Variants in HDGFL3 observed in about 807,000 individuals in gnomAD.
HDGFL3 encodes HDGF like 3.
In HDGFL3, 6 loss-of-function variants were observed where a neutral mutation model predicts 27.6. The observed-to-expected ratio is 0.22, with a 90% CI of 0.12 to 0.43. HDGFL3 has a LOEUF of 0.43. HDGFL3 is among the 20% of genes least tolerant of loss of function. The pLI is 1.00. For synonymous variants in HDGFL3, 88 were observed against 88.9 expected (o/e 0.99, Z 0.05); for missense variants, 207 against 250.1 (o/e 0.83, Z 1.16).
At chr15:83,167,286 T>C (rs544381584) in intron 1 of HDGFL3, among the ~76,000 whole-genome samples, 1 of 152,310 alleles carries the variant, frequency 6.6e-6, no homozygotes, top group African/African-American at 2.4e-5. Flanking sequence ...CTGAGCGTGG[T>C]GGCTCACCCC....
chr15:83,148,752 A>G (rs2036931288), intron 5 of HDGFL3, among the ~76,000 whole-genome samples: 2 of 152,220 alleles, frequency 1.3e-5, no homozygotes, highest in South Asian at 4.1e-4. Context: ...AAAATAGACT[A>G]CTGCTACACA....
intron 1 of HDGFL3, among the ~76,000 whole-genome samples, chr15:83,174,569 CAACTT>C (rs1229682208): frequency 4.0e-5 from 6 of 150,862 alleles, no homozygotes; most frequent in East Asian, 3.9e-4. Flanking sequence ...TAAAATGTAT[CAACTT>C]AACCATTTTT....
At chr15:83,127,459 T>C (rs1156583074), downstream of HDGFL3, 5 of 1,613,796 alleles carry the variant, frequency 3.1e-6, no homozygotes, top group Non-Finnish European at 4.2e-6. Context: ...CATTGATACA[T>C]GCTGGAGGTC....
At chr15:83,162,738 T>C (rs997310537) in intron 2 of HDGFL3, among the ~76,000 whole-genome samples, 1 of 152,154 alleles carries the variant, frequency 6.6e-6, no homozygotes, top group Non-Finnish European at 1.5e-5. Context: ...GAGGAAGATG[T>C]TGGGTGGCAG....
downstream of HDGFL3, among the ~76,000 whole-genome samples, chr15:83,125,945 G>A (rs1034421868): frequency 6.6e-6 from 1 of 152,218 alleles, no homozygotes; most frequent in Non-Finnish European, 1.5e-5. Context: ...GCTTTGCTTA[G>A]ACCACAGGGC....
chr15:83,172,420 A>G (rs2037257104), intron 1 of HDGFL3, among the ~76,000 whole-genome samples: 1 of 152,050 alleles, frequency 6.6e-6, no homozygotes, highest in African/African-American at 2.4e-5. Context: ...ATACCTTTTG[A>G]CTCCCCCAAA....
intron 2 of HDGFL3, among the ~76,000 whole-genome samples, chr15:83,163,568 T>C (rs2037127251): frequency 6.6e-6 from 1 of 152,074 alleles, no homozygotes; most frequent in South Asian, 2.1e-4. Flanking sequence ...TTAGAAAACC[T>C]AAAAAAGGTG....
intron 1 of HDGFL3, among the ~76,000 whole-genome samples, chr15:83,183,849 G>A (rs2037410342): frequency 6.6e-6 from 1 of 151,838 alleles, no homozygotes; most frequent in African/African-American, 2.4e-5. Context: ...TAAATTTCTA[G>A]GAACCTTTAT....
At position 83,135,386 on chromosome 15, in the gene HDGFL3, T is replaced by C. The variant is rs190417088; in HGVS notation, c.*3884A>G. 1 of 152,376 alleles carries C rather than the reference T, an allele frequency of 6.6e-6. No homozygotes were observed. The highest frequency in any genetic ancestry group is 2.4e-5 in the African/African-American group (1 of 41,592). The allele number at this position is 152,376 out of a possible 1,614,324, so 9.4% of individuals were successfully genotyped here. A position where few individuals can be genotyped will look rare whatever the true frequency, so the allele number is the denominator to read the frequency against. ...TATCTAGTTCTTCATTCTTGTTACTTCTATGCCTTCTCTATAGTGCAGTCT... is the reference window on the plus strand; with the variant it reads ...TATCTAGTTCTTCATTCTTGTTACTCCTATGCCTTCTCTATAGTGCAGTCT... On this transcript the variant is annotated 3_prime_UTR_variant, in exon 6 of 6. Coordinates refer to ENST00000299633, the MANE Select transcript of HDGFL3 (RefSeq NM_016073.4).
intron 5 of HDGFL3, chr15:83,144,448 T>G (rs186095232): frequency 4.4e-6 from 2 of 456,104 alleles, no homozygotes; most frequent in South Asian, 1.5e-5. Context: ...ACTTCTGAGA[T>G]TAGGTTACAA....
intron 1 of HDGFL3, among the ~76,000 whole-genome samples, chr15:83,187,852 A>C (rs2037464251): frequency 6.8e-6 from 1 of 146,452 alleles, no homozygotes; most frequent in Non-Finnish European, 1.5e-5. Flanking sequence ...GTGCCAGTGC[A>C]CTCTGGCCTG....
chr15:83,183,052 C>G (rs569052372), intron 1 of HDGFL3, among the ~76,000 whole-genome samples: 8 of 152,232 alleles, frequency 5.3e-5, no homozygotes, highest in Middle Eastern at 3.4e-3. Context: ...GAGGATGAGA[C>G]TAGTGTTAAC....
intron 3 of HDGFL3, among the ~76,000 whole-genome samples, chr15:83,122,483 A>T (rs1387042973): frequency 6.6e-6 from 1 of 152,200 alleles, no homozygotes; most frequent in Non-Finnish European, 1.5e-5. Flanking sequence ...TTTTTGAGAC[A>T]GGATCTCACT....
chr15:83,190,740 T>C (rs2037501954), intron 1 of HDGFL3, among the ~76,000 whole-genome samples: 1 of 152,020 alleles, frequency 6.6e-6, no homozygotes, highest in African/African-American at 2.4e-5. Context: ...CATTATAGAG[T>C]TTTTCAGTGA....
intron 1 of HDGFL3, among the ~76,000 whole-genome samples, chr15:83,200,734 A>G (rs1425926529): frequency 6.6e-6 from 1 of 152,234 alleles, no homozygotes; most frequent in African/African-American, 2.4e-5. Context: ...TAGTAGTGGA[A>G]TGAAGTACTT....
chr15:83,155,318 T>C (rs540248939), intron 4 of HDGFL3, among the ~76,000 whole-genome samples: 12 of 152,360 alleles, frequency 7.9e-5, no homozygotes, highest in African/African-American at 2.9e-4. Flanking sequence ...GCCCCATTAC[T>C]TTTGGTCTTT....
chr15:83,139,289 AAAAAG>A lies in HDGFL3; in HGVS notation c.607-19_607-15del. On this transcript the variant is annotated splice_polypyrimidine_tract_variant and intron_variant, in intron 5 of 5. Transcript: ENST00000299633. ...TGGTAGTTAGGTCTGTAAAAAAAAA[AAAAAG>A]AAAGAAAACAAGCCTTTAGATGATT... 7.0e-7 allele frequency: 1 copy of A among 1,423,742 alleles called. No individual in the cohort carries two copies. Among genetic ancestry groups the A allele is most frequent in the Middle Eastern group, 1.8e-4 (1 of 5,478 alleles). 88.2% of individuals were successfully genotyped at this position (1,423,742 alleles called of 1,614,324 possible).
chr15:83,192,538 A>G (rs1313715202), intron 1 of HDGFL3, among the ~76,000 whole-genome samples: 1 of 152,214 alleles, frequency 6.6e-6, no homozygotes, highest in Non-Finnish European at 1.5e-5. Flanking sequence ...GAATGAGCTA[A>G]TTGTAATATT....
At chr15:83,180,013 G>A (rs1482292214) in intron 1 of HDGFL3, among the ~76,000 whole-genome samples, 1 of 152,084 alleles carries the variant, frequency 6.6e-6, no homozygotes, top group African/African-American at 2.4e-5. Context: ...TGTGTGGCGG[G>A]GGGCAGAGGG....
Sources: allele counts gnomAD v4.1 joint callset (sites outside exome capture counted in the v4.1 genomes callset), GRCh38; gene constraint gnomAD v4.1.1; transcripts MANE v1.5; gene names NCBI Gene and HGNC (gene_info 2026-07-23, HGNC 2026-07-21).